The following GPS1 variants were observed in gnomAD, a reference collection of about 807,000 sequenced individuals.
GPS1 encodes G protein pathway suppressor 1, also known as COP9 signalosome complex subunit 1.
In GPS1, 11 loss-of-function variants were observed where a neutral mutation model predicts 60.0. That is an observed-to-expected ratio of 0.18 (90% confidence interval 0.12 to 0.30). GPS1 has a LOEUF of 0.30. Ranked by LOEUF, GPS1 falls within the 10% of genes least tolerant of loss-of-function variation. The pLI, the probability that GPS1 is intolerant of heterozygous loss-of-function variation, is 1.00. For missense variants in GPS1, 543 were observed against 669.2 expected (o/e 0.81, Z 2.08); for synonymous variants, 343 against 269.8 (o/e 1.27, Z -2.66).
Position 82,052,657 on chromosome 17 carries a change from G to A in GPS1, c.34-617G>A, listed in dbSNP as rs1303460679. ...TGGTGCTTTTCCCGAAGGAGCGCGGGAGGCCCACGGGTCCGGCGAGTGCCC... is the reference window on the plus strand; with the variant it reads ...TGGTGCTTTTCCCGAAGGAGCGCGGAAGGCCCACGGGTCCGGCGAGTGCCC... On this transcript the variant is annotated intron_variant, in intron 1 of 12. Coordinates refer to ENST00000578552, the MANE Select transcript of GPS1 (RefSeq NM_001321092.3). 10 of 652,358 alleles carry A rather than the reference G, an allele frequency of 1.5e-5. No homozygotes were observed. The East Asian group carries it at 2.0e-4, about 13-fold the overall frequency. 40.4% of individuals were successfully genotyped at this position (652,358 alleles called of 1,614,324 possible). A position where few individuals can be genotyped will look rare whatever the true frequency, so the allele number is the denominator to read the frequency against.
Position 82,054,643 on chromosome 17 carries a change from T to C in GPS1, c.442T>C (p.Tyr148His). Residue 148 changes from tyrosine (Y) to histidine (H), a missense_variant, in exon 4 of 13, where the codon TAC becomes CAC. Physicochemically the swap from Tyr to His is moderately conservative, Grantham distance 83 (BLOSUM62 2). Coordinates refer to ENST00000578552, the MANE Select transcript of GPS1 (RefSeq NM_001321092.3). ...LEKLDTDLKN[Y>H]KGNSIKESIR... is the part of the protein sequence containing the mutation. Reference sequence around the variant, plus strand: ...GAAGCTGGACACAGACCTGAAGAACTACAAGGGCAACTCCATCAAAGAGAG... The same window carrying C: ...GAAGCTGGACACAGACCTGAAGAACCACAAGGGCAACTCCATCAAAGAGAG... The C allele has an allele frequency of 1.2e-6, 2 of 1,610,494 alleles. No individual in the cohort carries two copies. Among genetic ancestry groups the C allele is most frequent in the Non-Finnish European group, 8.5e-7 (1 of 1,179,730 alleles).
In GPS1 at chr17:82,056,933, A is replaced by G; in HGVS notation, c.1348A>G (p.Met450Val). 1.2e-6 allele frequency: 2 copies of G among 1,612,926 alleles called. No individual in the cohort carries two copies. The highest frequency in any genetic ancestry group is 3.3e-4 in the Middle Eastern group (2 of 6,062). Reference sequence around the variant, plus strand: ...GTTCCAGCGCCGCGCCAAGGCCATGATGCTGCGGGCAGCTGTGCTCCGCAA... The same window carrying G: ...GTTCCAGCGCCGCGCCAAGGCCATGGTGCTGCGGGCAGCTGTGCTCCGCAA... ...KEFQRRAKAM[M>V]LRAAVLRNQI... Residue 450 changes from methionine to valine, a missense_variant, in exon 12 of 13, where the codon ATG becomes GTG. Met to Val is a conservative substitution (Grantham distance 21). Coordinates refer to ENST00000578552, the MANE Select transcript of GPS1 (RefSeq NM_001321092.3).
rs1277753486 is a variant in GPS1, at chr17:82,051,900, TGGAC to T, written c.-29_-26del. On this transcript the variant is annotated 5_prime_UTR_variant, in exon 1 of 13. Coordinates refer to ENST00000578552, the MANE Select transcript of GPS1 (RefSeq NM_001321092.3). This position sits in a 1 kb window ranked among gnomAD's most constrained non-coding sequence, Gnocchi z 4.1. ...AGCGACGGCTTCGCTGCCCCGGAAG[TGGAC>T]GGCACGCCGCGGCGGGGTGGGTGCA... 8.6e-7 allele frequency: 1 copy of T among 1,156,172 alleles called. No homozygotes were observed. The highest frequency in any genetic ancestry group is 3.9e-5 in the East Asian group (1 of 25,486). 71.6% of individuals were successfully genotyped at this position (1,156,172 alleles called of 1,614,324 possible).
chr17:82,057,175 A>ACGGACCT lies in GPS1; in HGVS notation c.*57_*63dup, dbSNP rs1568075099. ...ACATCTGCACCCCCTCCCCACCTCCACGGACCTCGGACCTCCAGGCGGCTC... is the reference window on the plus strand; with the variant it reads ...ACATCTGCACCCCCTCCCCACCTCCACGGACCTCGGACCTCGGACCTCCAGGCGGCTC... On this transcript the variant is annotated 3_prime_UTR_variant, in exon 13 of 13. Transcript: ENST00000578552. 1.3e-6 allele frequency: 2 copies of ACGGACCT among 1,576,352 alleles called. No homozygotes were observed. The highest frequency in any genetic ancestry group is 1.2e-5 in the South Asian group (1 of 86,746).
upstream of GPS1, chr17:82,051,625 A>C (rs1282102564): frequency 1.4e-5 from 15 of 1,096,632 alleles, no homozygotes; most frequent in East Asian, 1.4e-4. The surrounding 1 kb of genome is among the most constrained non-coding windows in gnomAD (Gnocchi z 4.1). Context: ...GCGGGCCGGG[A>C]CGGGGGCGCG....
chr17:82,055,461 C>A lies in GPS1; in HGVS notation c.748+239C>A, dbSNP rs968158353. ...TGTGGGCGTGAGGCAGGTCTGCCAGCCCGAGCTGCTCTGAACTGGGGTGTC... is the reference window on the plus strand; with the variant it reads ...TGTGGGCGTGAGGCAGGTCTGCCAGACCGAGCTGCTCTGAACTGGGGTGTC... On this transcript the variant is annotated intron_variant, in intron 6 of 12. Coordinates refer to ENST00000578552, the MANE Select transcript of GPS1 (RefSeq NM_001321092.3). 5 of 616,028 alleles carry A rather than the reference C, an allele frequency of 8.1e-6. No individual in the cohort carries two copies. The African/African-American group carries it at 9.2e-5, about 11-fold the overall frequency. 38.2% of individuals were successfully genotyped at this position (616,028 alleles called of 1,614,324 possible).
At position 82,054,572 on chromosome 17, in the gene GPS1, C is replaced by T. The variant is rs1388109610; in HGVS notation, c.371C>T (p.Thr124Met). 5.6e-6 allele frequency: 9 copies of T among 1,597,070 alleles called. No homozygotes were observed. The highest frequency in any genetic ancestry group is 3.4e-5 in the South Asian group (3 of 89,552). Residue 124 changes from threonine (T) to methionine (M), a missense_variant, in exon 4 of 13, where the codon ACG (threonine) becomes ATG (methionine). Physicochemically the swap from Thr to Met is moderately conservative, Grantham distance 81. Coordinates refer to ENST00000578552, the MANE Select transcript of GPS1 (RefSeq NM_001321092.3). ...ESGVEPPALD[T>M]AWVEATRKKA... ...GGCGTGGAGCCCCCAGCCCTGGACA[C>T]GGCCTGGGTGGAGGCCACGCGGAAG...
At chr17:82,052,684 G>T in intron 1 of GPS1, 1 of 572,934 alleles carries the variant, frequency 1.7e-6, no homozygotes, top group South Asian at 2.2e-5. Context: ...CGAGTGCCCG[G>T]CATGGCGGCT....
At position 82,054,500 on chromosome 17, in the gene GPS1, C is replaced by T; in HGVS notation, c.309-10C>T. On this transcript the variant is annotated splice_polypyrimidine_tract_variant and intron_variant, in intron 3 of 12. Coordinates refer to ENST00000578552, the MANE Select transcript of GPS1 (RefSeq NM_001321092.3). ...ACCGCCGCCATCCTGATGGCCAGGT[C>T]CTCTCTCAGGGAGCTGCAGAACGCA... 6 of 1,496,272 alleles carry T rather than the reference C, an allele frequency of 4.0e-6. No individual in the cohort carries two copies. Among genetic ancestry groups the T allele is most frequent in the Non-Finnish European group, 5.3e-6 (6 of 1,126,222 alleles). 92.7% of individuals were successfully genotyped at this position (1,496,272 alleles called of 1,614,324 possible). A position where few individuals can be genotyped will look rare whatever the true frequency, so the allele number is the denominator to read the frequency against.
chr17:82,054,886 C>T lies in GPS1; in HGVS notation c.610-12C>T, dbSNP rs530041584. ...GCGCCCGGGCTCACTTGGCTCTGCG[C>T]CCCCCCGCCAGGTCAGCGTCTACTT... is the stretch of plus-strand genomic sequence containing the variant. On this transcript the variant is annotated splice_polypyrimidine_tract_variant and intron_variant, in intron 4 of 12. Coordinates refer to ENST00000578552, the MANE Select transcript of GPS1 (RefSeq NM_001321092.3). 21 of 1,571,094 alleles carry T rather than the reference C, an allele frequency of 1.3e-5. No individual in the cohort carries two copies. The South Asian group carries it at 2.1e-4, about 16-fold the overall frequency.
At chr17:82,055,858 G>T in intron 7 of GPS1, 33 bp downstream of exon 7, 1 of 1,534,514 alleles carries the variant, frequency 6.5e-7, no homozygotes, top group Non-Finnish European at 8.9e-7. Flanking sequence ...GGGAGGCAGA[G>T]CATGGGCTCA....
At chr17:82,053,658 C>T (rs1404925734) in intron 2 of GPS1, 3 of 584,066 alleles carry the variant, frequency 5.1e-6, no homozygotes, top group Non-Finnish European at 8.9e-6. Context: ...TGCAGGGTCC[C>T]ACTCCTGAGG....
chr17:82,054,627 C>T lies in GPS1; in HGVS notation c.426C>T (p.Asp142=). 1.2e-6 allele frequency: 2 copies of T among 1,609,836 alleles called. No individual in the cohort carries two copies. The highest frequency in any genetic ancestry group is 2.2e-5 in the East Asian group (1 of 44,832). ...KKALLKLEKL[D]TDLKNYKGNS... is the part of the protein sequence containing the mutation. Reference sequence around the variant, plus strand: ...CGCTGCTGAAGCTGGAGAAGCTGGACACAGACCTGAAGAACTACAAGGGCA... The same window carrying T: ...CGCTGCTGAAGCTGGAGAAGCTGGATACAGACCTGAAGAACTACAAGGGCA... Residue 142 remains aspartate, a synonymous_variant, in exon 4 of 13, where the codon GAC becomes GAT. Coordinates refer to ENST00000578552, the MANE Select transcript of GPS1 (RefSeq NM_001321092.3).
At chr17:82,055,949 CA>C (rs2032593253) in intron 7 of GPS1, 51 bp from the exon 8 acceptor site, 1 of 1,461,136 alleles carries the variant, frequency 6.8e-7, no homozygotes, top group African/African-American at 1.4e-5. Flanking sequence ...GATGGGCAGG[CA>C]GGGGTGGCCT....
At position 82,055,089 on chromosome 17, in the gene GPS1, C is replaced by CA. The variant is rs566855360; in HGVS notation, c.688-72dup. The CA allele has an allele frequency of 9.3e-5, 146 of 1,570,506 alleles. 1 individual carries two copies. In the East Asian group the frequency reaches 3.2e-3, roughly 34 times the overall value. On this transcript the variant is annotated intron_variant, in intron 5 of 12. Coordinates refer to ENST00000578552, the MANE Select transcript of GPS1 (RefSeq NM_001321092.3). ...ATCTGAATCTGCCTTCATCCCCTCTCAGTCTGGGGGCTGGGCATCGAGCTC... is the reference window on the plus strand; with the variant it reads ...ATCTGAATCTGCCTTCATCCCCTCTCAAGTCTGGGGGCTGGGCATCGAGCTC...
chr17:82,053,280 G>A lies in GPS1; in HGVS notation c.40G>A (p.Val14Met), dbSNP rs761034336. The A allele has an allele frequency of 1.9e-6, 3 of 1,542,802 alleles. No individual in the cohort carries two copies. Among genetic ancestry groups the A allele is most frequent in the East Asian group, 2.6e-5 (1 of 39,178 alleles). The part of the protein sequence containing the change: ...PVQVFNLQGA[V>M]EPMQIDVDPQ... ...TGCCTGGCCCATGTTGCAGGGGGCC[G>A]TGGAGCCCATGCAGATCGACGTGGA... The change falls in exon 2 of 13, where the codon GTG becomes ATG. Residue 14 changes from valine (V) to methionine (M), a missense_variant. This residue lies in a region of GPS1 where 181 missense variants were observed against 188.8 expected (regional missense o/e 0.96). Coordinates refer to ENST00000578552, the MANE Select transcript of GPS1 (RefSeq NM_001321092.3).
rs1205813118 is a variant in GPS1, at chr17:82,053,576, G to A, written c.126+210G>A. ...CAGATGCTGCTCATGGAGAAGCCAG[G>A]GCAGGTCTCCTCCCCGCTCAGCCTA... On this transcript the variant is annotated intron_variant, in intron 2 of 12. Coordinates refer to ENST00000578552, the MANE Select transcript of GPS1 (RefSeq NM_001321092.3). 2.1e-5 allele frequency: 11 copies of A among 519,944 alleles called. No homozygotes were observed. In the South Asian group the frequency reaches 3.2e-4, roughly 15 times the overall value. 32.2% of individuals were successfully genotyped at this position (519,944 alleles called of 1,614,324 possible).
chr17:82,054,536 TCCCTGAGAG>T lies in GPS1; in HGVS notation c.337_345del (p.Pro113_Ser115del). The T allele has an allele frequency of 6.4e-7, 1 of 1,561,886 alleles. No homozygotes were observed. ...GAGCTGCAGAACGCACCCGACGCCA[TCCCTGAGAG>T]CGGCGTGGAGCCCCCAGCCCTGGAC... On this transcript the variant is annotated inframe_deletion, in exon 4 of 13. Transcript: ENST00000578552.
rs201302867 is a variant in GPS1 at position 82,052,480 on chromosome 17, C to T, written c.33+516C>T. ...ACGAGGTACCTTCCAGGACAGGGAC[C>T]CCCGAGCGAGGGAGGGGGGAGCAGG... is the stretch of plus-strand genomic sequence containing the variant. On this transcript the variant is annotated intron_variant, in intron 1 of 12. Transcript: ENST00000578552. 230 of 1,603,996 alleles carry T rather than the reference C, an allele frequency of 1.4e-4. No homozygotes were observed. The African/African-American group carries it at 2.8e-3, about 20-fold the overall frequency.
Sources: gnomAD v4.1 joint callset for allele counts on GRCh38, gnomAD v4.1.1 for gene constraint, gnomAD v4.1.1 regional missense constraint, Gnocchi (gnomAD v3.1) non-coding constraint, MANE v1.5 for transcripts, NCBI Gene and HGNC (gene_info 2026-07-23, HGNC 2026-07-21) for gene names.